SNTB1: variants seen among roughly 807,000 people sequenced by gnomAD.
SNTB1 encodes the protein beta-1-syntrophin.
A neutral mutation model predicts 48.9 loss-of-function variants in SNTB1; 36 were observed. The ratio of observed to expected loss-of-function variants is 0.74; its 90% CI spans 0.56 to 0.97. The LOEUF (loss-of-function observed/expected upper bound fraction) is 0.97. Ranked by LOEUF, SNTB1 falls within the 50% of genes least tolerant of loss-of-function variation. The probability of loss-of-function intolerance (pLI) is 0.00; values close to 1 mark genes in which losing one functional copy is unlikely to be tolerated. For missense variants in SNTB1, 786 were observed against 703.4 expected, an observed-to-expected ratio of 1.12 and a Z score of -1.33; for synonymous variants, 299 against 294.6, an observed-to-expected ratio of 1.01 and a Z score of -0.15.
intron 2 of SNTB1, among the ~76,000 whole-genome samples, chr8:120,682,421 T>C (rs370643882): frequency 6.6e-6 from 1 of 152,334 alleles, no homozygotes; most frequent in East Asian, 1.9e-4. Flanking sequence ...ATTCACTATA[T>C]ATGCTTAAAA....
intron 3 of SNTB1, among the ~76,000 whole-genome samples, chr8:120,590,482 G>C (rs1052220931): frequency 2.0e-5 from 3 of 152,090 alleles, no homozygotes. Context: ...ACATTATATA[G>C]AGTACTTGCA....
At chr8:120,578,964 G>T (rs1337923921) in intron 3 of SNTB1, among the ~76,000 whole-genome samples, 1 of 152,126 alleles carries the variant, frequency 6.6e-6, no homozygotes, top group Non-Finnish European at 1.5e-5. Flanking sequence ...ATCACCTGAG[G>T]TTGGGAGTTT....
chr8:120,690,022 A>G (rs1023253112), intron 2 of SNTB1, among the ~76,000 whole-genome samples: 4 of 152,126 alleles, frequency 2.6e-5, no homozygotes, highest in African/African-American at 9.7e-5. Context: ...GTCGACCCTT[A>G]CTTATGGTTC....
At chr8:120,763,684 A>G (rs1222613077) in intron 1 of SNTB1, among the ~76,000 whole-genome samples, 1 of 152,236 alleles carries the variant, frequency 6.6e-6, no homozygotes, top group Non-Finnish European at 1.5e-5. Flanking sequence ...TAAACTATAA[A>G]GACAACCTAT....
chr8:120,716,737 T>G (rs1034784763), intron 1 of SNTB1, among the ~76,000 whole-genome samples: 3 of 152,208 alleles, frequency 2.0e-5, no homozygotes, highest in African/African-American at 7.2e-5. Context: ...GTATTCAGTT[T>G]AGATGTCCTT....
intron 3 of SNTB1, among the ~76,000 whole-genome samples, chr8:120,626,404 A>T (rs1187998450): frequency 6.6e-6 from 1 of 152,204 alleles, no homozygotes; most frequent in Non-Finnish European, 1.5e-5. Flanking sequence ...TCAGTTGGAA[A>T]AATTAGGATC....
intron 1 of SNTB1, among the ~76,000 whole-genome samples, chr8:120,714,528 C>G (rs886717802): frequency 6.6e-6 from 1 of 151,172 alleles, no homozygotes; most frequent in Non-Finnish European, 1.5e-5. Flanking sequence ...GAAGCAGGAT[C>G]TTCAAATCTA....
intron 2 of SNTB1, among the ~76,000 whole-genome samples, chr8:120,650,788 TC>T (rs1312527164): frequency 1.3e-5 from 2 of 152,210 alleles, no homozygotes; most frequent in African/African-American, 4.8e-5. Context: ...GTAAAGACAT[TC>T]CATTCCTGGC....
At chr8:120,635,205 C>T (rs893010196) in intron 2 of SNTB1, among the ~76,000 whole-genome samples, 15 of 152,054 alleles carry the variant, frequency 9.9e-5, no homozygotes, top group African/African-American at 3.4e-4. Flanking sequence ...AGGCACTTTT[C>T]AAAAAAATGG....
intron 3 of SNTB1, among the ~76,000 whole-genome samples, chr8:120,614,691 C>G (rs1465132222): frequency 6.6e-6 from 1 of 152,166 alleles, no homozygotes; most frequent in Non-Finnish European, 1.5e-5. Context: ...TCGGACTCTT[C>G]AAACATTTCA....
chr8:120,550,252 A>C (rs1476826103), intron 4 of SNTB1, among the ~76,000 whole-genome samples: 1 of 152,198 alleles, frequency 6.6e-6, no homozygotes, highest in Non-Finnish European at 1.5e-5. Flanking sequence ...GTCATTAAAG[A>C]TATGGAAGGC....
At chr8:120,744,121 A>ATTTTTTTTTTT (rs35604534) in intron 1 of SNTB1, among the ~76,000 whole-genome samples, 15 of 136,106 alleles carry the variant, frequency 1.1e-4, no homozygotes, top group East Asian at 2.3e-4. Context: ...CCCTGTCTCA[A>ATTTTTTTTTTT]TTTTTTTTTT....
At chr8:120,564,626 T>C (rs1240582711) in intron 4 of SNTB1, among the ~76,000 whole-genome samples, 5 of 133,426 alleles carry the variant, frequency 3.7e-5, no homozygotes, top group Non-Finnish European at 6.2e-5. Context: ...TGGAGTGCAA[T>C]GGCGTGATAT....
At chr8:120,581,597 C>T (rs1480764065) in intron 3 of SNTB1, among the ~76,000 whole-genome samples, 2 of 151,126 alleles carry the variant, frequency 1.3e-5, no homozygotes, top group Non-Finnish European at 2.9e-5. Context: ...GAGTGAGACT[C>T]TGTCTCAAAA....
chr8:120,543,254 G>C (rs1322290660), intron 5 of SNTB1, among the ~76,000 whole-genome samples: 1 of 152,042 alleles, frequency 6.6e-6, no homozygotes, highest in Non-Finnish European at 1.5e-5. Context: ...GGATTTTTTT[G>C]CTTCACAAAA....
chr8:120,711,168 G>GA (rs1379086484), intron 1 of SNTB1, among the ~76,000 whole-genome samples: 1 of 152,122 alleles, frequency 6.6e-6, no homozygotes, highest in Non-Finnish European at 1.5e-5. Context: ...CAAGTAGCCT[G>GA]AAAAAATCTC....
chr8:120,708,478 A>G (rs1212326395), intron 1 of SNTB1, among the ~76,000 whole-genome samples: 1 of 152,078 alleles, frequency 6.6e-6, no homozygotes, highest in African/African-American at 2.4e-5. Flanking sequence ...AACTTTAATA[A>G]CAAAAGAAGT....
chr8:120,789,573 A>G (rs1007525521), intron 1 of SNTB1, among the ~76,000 whole-genome samples: 2 of 152,022 alleles, frequency 1.3e-5, no homozygotes, highest in South Asian at 2.1e-4. Flanking sequence ...CTACAGAAAT[A>G]CAGAAGATCA....
chr8:120,706,857 G>A (rs1218562840), intron 1 of SNTB1, among the ~76,000 whole-genome samples: 1 of 152,146 alleles, frequency 6.6e-6, no homozygotes, highest in East Asian at 1.9e-4. Flanking sequence ...AGTGACAGAA[G>A]CCCAGAGTCA....
Sources: gnomAD v4.1 joint callset for allele counts (sites outside exome capture counted in the v4.1 genomes callset) on GRCh38, gnomAD v4.1.1 for gene constraint, MANE v1.5 for transcripts, NCBI Gene and HGNC (gene_info 2026-07-23, HGNC 2026-07-21) for gene names.